The following SBF2 variants were observed in gnomAD, a reference collection of about 807,000 sequenced individuals.
The protein encoded by SBF2 is SET binding factor 2, also known as myotubularin-related protein 13.
In SBF2, 112 loss-of-function variants were observed where a neutral mutation model predicts 225.2. The observed-to-expected ratio is 0.50, with a 90% CI of 0.43 to 0.58. SBF2 has a LOEUF of 0.58. SBF2 is among the 20% of genes least tolerant of loss of function. The pLI is 0.00. For missense variants in SBF2, 1,996 were observed against 2,206.2 expected (o/e 0.90, Z 1.91); for synonymous variants, 763 against 773.3 (o/e 0.99, Z 0.22).
chr11:10,103,663 G>A (rs965543092), intron 2 of SBF2, among the ~76,000 whole-genome samples: 4 of 152,168 alleles, frequency 2.6e-5, no homozygotes, highest in African/African-American at 9.7e-5. Flanking sequence ...TTAAATGCAG[G>A]TTTCTGATAA....
intron 36 of SBF2, among the ~76,000 whole-genome samples, chr11:9,787,203 T>A (rs1852432433): frequency 6.6e-6 from 1 of 152,182 alleles, no homozygotes; most frequent in South Asian, 2.1e-4. Flanking sequence ...CGTTAAAATA[T>A]TTTTATGATA....
At chr11:10,037,025 C>G (rs1949462262) in intron 3 of SBF2, among the ~76,000 whole-genome samples, 1 of 152,140 alleles carries the variant, frequency 6.6e-6, no homozygotes, top group Admixed American at 6.6e-5. Flanking sequence ...AGTCTTATAT[C>G]ATTTTAAGCA....
chr11:10,225,274 T>G (rs1411881086), intron 1 of SBF2, among the ~76,000 whole-genome samples: 1 of 152,030 alleles, frequency 6.6e-6, no homozygotes, highest in Admixed American at 6.6e-5. Context: ...TTATTGGTAT[T>G]TAACTGTTTC....
At chr11:10,246,288 T>G (rs1297770495) in intron 1 of SBF2, among the ~76,000 whole-genome samples, 1 of 152,172 alleles carries the variant, frequency 6.6e-6, no homozygotes, top group Non-Finnish European at 1.5e-5. Context: ...TCTTTCTTTC[T>G]TTTTTGTGTT....
chr11:10,173,364 G>C (rs1194563403), intron 2 of SBF2, among the ~76,000 whole-genome samples: 1 of 152,236 alleles, frequency 6.6e-6, no homozygotes, highest in Admixed American at 6.5e-5. Flanking sequence ...CAAGGGGTCA[G>C]GGAGTTCCCT....
At chr11:10,234,424 C>T (rs539738550) in intron 1 of SBF2, among the ~76,000 whole-genome samples, 43 of 152,222 alleles carry the variant, frequency 2.8e-4, no homozygotes, top group African/African-American at 9.6e-4. Flanking sequence ...TTTGTGATAA[C>T]AATTTTAATT....
chr11:9,901,778 G>C lies in SBF2; in HGVS notation c.1861-5767C>G, dbSNP rs189563276. 2.5e-3 allele frequency among the ~76,000 whole-genome samples: 386 copies of C among 152,214 alleles called. 1 individual carries two copies. The highest frequency in any genetic ancestry group is 8.8e-3 in the African/African-American group (364 of 41,538). Reference sequence around the variant, plus strand: ...TCCCACCTCAGCCTCCTGAATAGCTGGGAATACAGGCATGTGCTACCACGC... The same window carrying C: ...TCCCACCTCAGCCTCCTGAATAGCTCGGAATACAGGCATGTGCTACCACGC... On this transcript the variant is annotated intron_variant, in intron 16 of 39. Coordinates refer to ENST00000256190, the MANE Select transcript of SBF2 (RefSeq NM_030962.4).
chr11:10,269,126 A>G (rs112903994), intron 1 of SBF2, among the ~76,000 whole-genome samples: 5 of 152,204 alleles, frequency 3.3e-5, no homozygotes, highest in Non-Finnish European at 7.3e-5. Context: ...AAACTATTCA[A>G]AATGTTCTTT....
At chr11:9,942,346 C>A (rs542105568) in intron 16 of SBF2, among the ~76,000 whole-genome samples, 1 of 152,290 alleles carries the variant, frequency 6.6e-6, no homozygotes, top group Non-Finnish European at 1.5e-5. Context: ...AGCTACTGTG[C>A]CCAGCCCATA....
chr11:10,093,659 T>A (rs767269378), intron 2 of SBF2, among the ~76,000 whole-genome samples: 19 of 152,216 alleles, frequency 1.2e-4, no homozygotes, highest in Non-Finnish European at 2.5e-4. Context: ...ATAATAGATA[T>A]GTGACTTCTA....
intron 16 of SBF2, among the ~76,000 whole-genome samples, chr11:9,944,527 T>C (rs1257268623): frequency 6.6e-6 from 1 of 152,178 alleles, no homozygotes. Flanking sequence ...ATTATGGATA[T>C]TTTCAAATAG....
At chr11:10,301,497 T>C (rs1964598865) in intron 1 of SBF2, among the ~76,000 whole-genome samples, 1 of 152,218 alleles carries the variant, frequency 6.6e-6, no homozygotes, top group African/African-American at 2.4e-5. Context: ...GTGAACTTTG[T>C]AAACAAGTCC....
intron 3 of SBF2, among the ~76,000 whole-genome samples, chr11:10,033,632 G>T (rs1229783884): frequency 6.7e-6 from 1 of 150,346 alleles, no homozygotes; most frequent in African/African-American, 2.4e-5. Context: ...TCTTATTTCT[G>T]CTTTTAAAGC....
intron 16 of SBF2, among the ~76,000 whole-genome samples, chr11:9,927,516 C>T (rs1004894929): frequency 5.9e-5 from 9 of 152,096 alleles, no homozygotes; most frequent in African/African-American, 9.7e-5. Flanking sequence ...AAGAGGATCA[C>T]TGGAGTCAGT....
intron 13 of SBF2, among the ~76,000 whole-genome samples, chr11:9,982,787 G>A (rs1254302407): frequency 6.6e-6 from 1 of 152,230 alleles, no homozygotes; most frequent in Admixed American, 6.5e-5. Flanking sequence ...GGGAAAGGGA[G>A]ACCCTCCTCT....
At chr11:9,816,333 A>G (rs1169523551) in intron 29 of SBF2, among the ~76,000 whole-genome samples, 1 of 152,152 alleles carries the variant, frequency 6.6e-6, no homozygotes, top group Non-Finnish European at 1.5e-5. Context: ...CTTTCTATAT[A>G]GCTTTGCGAA....
chr11:9,851,979 C>T (rs1856992629), intron 21 of SBF2, among the ~76,000 whole-genome samples: 1 of 152,130 alleles, frequency 6.6e-6, no homozygotes, highest in African/African-American at 2.4e-5. Context: ...CATCATGTTG[C>T]CCAGGCGCTG....
At chr11:10,198,980 T>C (rs1442353386) in intron 1 of SBF2, among the ~76,000 whole-genome samples, 1 of 152,222 alleles carries the variant, frequency 6.6e-6, no homozygotes, top group Non-Finnish European at 1.5e-5. Context: ...GTAATAATGC[T>C]GTCTCATTTT....
chr11:10,171,369 G>C (rs779180458), intron 2 of SBF2, among the ~76,000 whole-genome samples: 1 of 152,154 alleles, frequency 6.6e-6, no homozygotes, highest in Admixed American at 6.5e-5. Flanking sequence ...AATTTTATCA[G>C]ATGCTTTTTC....
Sources: allele counts gnomAD v4.1 joint callset (sites outside exome capture counted in the v4.1 genomes callset), GRCh38; gene constraint gnomAD v4.1.1; transcripts MANE v1.5; gene names NCBI Gene and HGNC (gene_info 2026-07-23, HGNC 2026-07-21).